The following PRRG2 variants were observed in gnomAD, a reference collection of about 807,000 sequenced individuals.
PRRG2 encodes the protein transmembrane gamma-carboxyglutamic acid protein 2.
A neutral mutation model predicts 27.1 loss-of-function variants in PRRG2; 23 were observed. The observed-to-expected ratio is 0.85, with a 90% confidence interval of 0.61 to 1.20. The LOEUF (loss-of-function observed/expected upper bound fraction) is 1.20. Ranked by LOEUF, PRRG2 falls within the 50% of genes most tolerant of loss-of-function variation. PRRG2 has a pLI of 0.00. For missense variants in PRRG2, 276 were observed against 254.8 expected, an observed-to-expected ratio of 1.08 and a Z score of -0.57; for synonymous variants, 104 against 103.4, an observed-to-expected ratio of 1.01 and a Z score of -0.03.
intron 5 of PRRG2, 101 bp downstream of exon 5, chr19:49,588,733 T>G (rs2080691460): frequency 3.5e-5 from 47 of 1,360,022 alleles, no homozygotes; most frequent in Non-Finnish European, 4.3e-5. Context: ...AGGCAGGCAC[T>G]GATGAAAGAC....
rs112883252 is a variant in PRRG2, at chr19:49,589,404, G to A, written c.438-496G>A. Among the ~76,000 whole-genome samples the A allele has an allele frequency of 4.6e-3, 699 of 150,436 alleles. 4 individuals are homozygous for A. The highest frequency in any genetic ancestry group is 0.017 in the African/African-American group (681 of 40,780). On this transcript the variant is annotated intron_variant, in intron 5 of 6. Transcript: ENST00000246794. ...GCCTCCCAAAGTGCTGGGATTACAGGTGTGAGCCACCACGCCTGGCCCTTT... is the reference window on the plus strand; with the variant it reads ...GCCTCCCAAAGTGCTGGGATTACAGATGTGAGCCACCACGCCTGGCCCTTT...
chr19:49,587,323 C>CTTT, intron 4 of PRRG2, among the ~76,000 whole-genome samples: 1 of 136,080 alleles, frequency 7.3e-6, no homozygotes, highest in African/African-American at 3.0e-5. Context: ...CATGTGACAT[C>CTTT]CTTTTTTTTT....
At chr19:49,587,479 ATTTT>A (rs1258876937) in intron 4 of PRRG2, among the ~76,000 whole-genome samples, 1 of 114,648 alleles carries the variant, frequency 8.7e-6, no homozygotes. Context: ...AGCCTGGTTA[ATTTT>A]TTTTTTTTTT....
chr19:49,590,174 T>TGCGGGGG lies in PRRG2; in HGVS notation c.590+123_590+129dup, dbSNP rs1555739359. The stretch of plus-strand genomic sequence containing the variant: ...TTCTTACCTGGGGCGGGGCTTGGAG[T>TGCGGGGG]GCGGGGGCGGGGCCCCATGCAATGG... On this transcript the variant is annotated intron_variant, in intron 6 of 6. Coordinates refer to ENST00000246794, the MANE Select transcript of PRRG2 (RefSeq NM_000951.3). The TGCGGGGG allele has an allele frequency of 5.3e-6, 7 of 1,322,004 alleles. No individual in the cohort carries two copies. The African/African-American group carries it at 7.5e-5, about 14-fold the overall frequency. 81.9% of individuals were successfully genotyped at this position (1,322,004 alleles called of 1,614,324 possible).
chr19:49,582,308 C>T (rs1275500601), intron 1 of PRRG2, among the ~76,000 whole-genome samples: 1 of 150,038 alleles, frequency 6.7e-6, no homozygotes, highest in Non-Finnish European at 1.5e-5. Flanking sequence ...TGGAATCTCG[C>T]TCTGTCACCC....
intron 4 of PRRG2, among the ~76,000 whole-genome samples, chr19:49,586,501 C>T (rs2080671028): frequency 6.6e-6 from 1 of 151,818 alleles, no homozygotes; most frequent in Non-Finnish European, 1.5e-5. Context: ...TCTTCTTCCT[C>T]AGCCTCCCAA....
chr19:49,590,311 T>C lies in PRRG2; in HGVS notation c.591-60T>C. 3 of 1,612,640 alleles carry C rather than the reference T, an allele frequency of 1.9e-6. No individual in the cohort carries two copies. The South Asian group carries it at 3.3e-5, about 18-fold the overall frequency. ...CCAAGGGCGGTCGGAGTGGTCCTGG[T>C]TGAAGGGGGGAGAAAAACAGCCAGA... On this transcript the variant is annotated intron_variant, in intron 6 of 6. Coordinates refer to ENST00000246794, the MANE Select transcript of PRRG2 (RefSeq NM_000951.3).
intron 4 of PRRG2, among the ~76,000 whole-genome samples, chr19:49,584,971 G>A (rs1568416579): frequency 6.6e-6 from 1 of 152,184 alleles, no homozygotes; most frequent in Non-Finnish European, 1.5e-5. Flanking sequence ...AAGGGAGGAA[G>A]CCTGCCCATC....
intron 6 of PRRG2, 130 bp downstream of exon 6, chr19:49,590,182 C>CGG (rs1381675413): frequency 7.3e-7 from 1 of 1,378,166 alleles, no homozygotes; most frequent in South Asian, 1.3e-5. Flanking sequence ...AGTGCGGGGG[C>CGG]GGGGCCCCAT....
chr19:49,588,715 T>C (rs1479508824), intron 5 of PRRG2, 83 bp downstream of exon 5: 83 of 1,428,674 alleles, frequency 5.8e-5, no homozygotes, highest in Middle Eastern at 2.3e-4. Flanking sequence ...GTGCTAAGGA[T>C]TGGGGGCAGG....
rs200003544 is a variant in PRRG2, at chr19:49,587,939, T to TG, written c.302-556dup. Among the ~76,000 whole-genome samples, 589 of 137,560 alleles carry TG rather than the reference T, an allele frequency of 4.3e-3. 4 individuals are homozygous for TG. Among genetic ancestry groups the TG allele is most frequent in the African/African-American group, 0.018 (559 of 31,834 alleles). The allele number at this position is 137,560 out of a possible 152,430, so 90.2% of individuals were successfully genotyped here. ...TGGCCAGGACATAGTTTTGTTTTTT[T>TG]GGTTTTTGTTTGTTTGTTTGTTTTG... On this transcript the variant is annotated intron_variant, in intron 4 of 6. Transcript: ENST00000246794.
intron 6 of PRRG2, 157 bp from the exon 7 acceptor site, chr19:49,590,214 C>T: frequency 7.0e-7 from 1 of 1,429,444 alleles, no homozygotes; most frequent in South Asian, 1.2e-5. Context: ...GGGGCGTGGC[C>T]CAGCGTTGTA....
intron 1 of PRRG2, among the ~76,000 whole-genome samples, chr19:49,582,888 G>T (rs576508627): frequency 6.6e-6 from 1 of 151,594 alleles, no homozygotes; most frequent in Admixed American, 6.6e-5. Context: ...GAAAATTAGC[G>T]GGTGTGGTGG....
intron 4 of PRRG2, among the ~76,000 whole-genome samples, chr19:49,584,769 G>A (rs1176531603): frequency 1.3e-5 from 2 of 152,168 alleles, no homozygotes; most frequent in Non-Finnish European, 2.9e-5. Flanking sequence ...ACATCTTATT[G>A]GACGCAAGTC....
intron 1 of PRRG2, among the ~76,000 whole-genome samples, chr19:49,582,121 A>G (rs940145330): frequency 6.6e-6 from 1 of 151,078 alleles, no homozygotes; most frequent in Admixed American, 6.6e-5. Flanking sequence ...CGCACCTGTA[A>G]TCTCAACTAC....
intron 6 of PRRG2, 107 bp from the exon 7 acceptor site, chr19:49,590,264 G>C: frequency 6.5e-7 from 1 of 1,544,374 alleles, no homozygotes; most frequent in Admixed American, 1.7e-5. Context: ...TGTGCCCAGA[G>C]GGTCCTGGAT....
At chr19:49,586,413 A>C (rs2122244904) in intron 4 of PRRG2, among the ~76,000 whole-genome samples, 1 of 141,920 alleles carries the variant, frequency 7.0e-6, no homozygotes, top group African/African-American at 2.6e-5. Context: ...TTTTAGAGAC[A>C]GGGTCCAGTC....
At chr19:49,584,056 C>G (rs1419543040) in intron 4 of PRRG2, 104 bp downstream of exon 4, 40 of 1,257,428 alleles carry the variant, frequency 3.2e-5, no homozygotes, top group Non-Finnish European at 4.3e-5. Context: ...CAAGAATCGT[C>G]TGCCCCCCAA....
At chr19:49,587,500 T>C (rs2080680113) in intron 4 of PRRG2, among the ~76,000 whole-genome samples, 1 of 150,004 alleles carries the variant, frequency 6.7e-6, no homozygotes, top group Non-Finnish European at 1.5e-5. Context: ...TTTTTTTTTT[T>C]TTGAGACAGA....
Sources: gnomAD v4.1 joint callset for allele counts (sites outside exome capture counted in the v4.1 genomes callset) on GRCh38, gnomAD v4.1.1 for gene constraint, MANE v1.5 for transcripts, NCBI Gene and HGNC (gene_info 2026-07-23, HGNC 2026-07-21) for gene names.